NFIB: variants seen among roughly 807,000 people sequenced by gnomAD.
NFIB encodes nuclear factor 1 B-type.
Under a neutral mutation model 61.5 loss-of-function variants are expected in NFIB, and 11 were observed. That is an observed-to-expected ratio of 0.18 (90% CI 0.11 to 0.30). NFIB has a LOEUF of 0.30. NFIB is among the 10% of genes least tolerant of loss of function. The pLI is 1.00. For missense variants in NFIB, 471 were observed against 608.9 expected, an observed-to-expected ratio of 0.77 and a Z score of 2.38; for synonymous variants, 260 against 216.5, an observed-to-expected ratio of 1.20 and a Z score of -1.76.
At chr9:14,475,071 T>C in the NFIB span, among the ~76,000 whole-genome samples, 1 of 152,218 alleles carries the variant, frequency 6.6e-6, no homozygotes, top group African/African-American at 2.4e-5. Context: ...AAGTAATGCC[T>C]TACCAGCTAT....
chr9:14,163,426 G>A (rs1422721823), intron 3 of NFIB, among the ~76,000 whole-genome samples: 2 of 151,674 alleles, frequency 1.3e-5, no homozygotes, highest in Non-Finnish European at 2.9e-5. Context: ...ATAATAAAGA[G>A]AACAAAAAGT....
intron 2 of NFIB, among the ~76,000 whole-genome samples, chr9:14,255,194 A>C (rs1335816366): frequency 6.6e-6 from 1 of 152,168 alleles, no homozygotes; most frequent in Non-Finnish European, 1.5e-5. Flanking sequence ...CTGAACTCCA[A>C]CAAGGATGAC....
At chr9:14,347,940 C>T (rs918913809) in intron 1 of NFIB, among the ~76,000 whole-genome samples, 1 of 152,170 alleles carries the variant, frequency 6.6e-6, no homozygotes, top group Non-Finnish European at 1.5e-5. Flanking sequence ...TCGCGTCGCA[C>T]GCGGTGTCTG....
Position 14,313,622 on chromosome 9 carries a change from G to A in NFIB, c.-111C>T, listed in dbSNP as rs866774324. The A allele has an allele frequency of 5.7e-6, 9 of 1,592,086 alleles. No homozygotes were observed. The Middle Eastern group carries it at 1.3e-3, about 237-fold the overall frequency. On this transcript the variant is annotated 5_prime_UTR_variant, in exon 1 of 11. Transcript: ENST00000380953. This position sits in a 1 kb window ranked among gnomAD's most constrained non-coding sequence, Gnocchi z 4.5. The stretch of plus-strand genomic sequence containing the variant: ...CTGAGCCCCGCGATGCGATCAATCA[G>A]GACGGGGCTCTGCGCTGGATCACCG...
the NFIB span, among the ~76,000 whole-genome samples, chr9:14,512,568 A>G: frequency 2.6e-5 from 4 of 152,354 alleles, no homozygotes; most frequent in Non-Finnish European, 5.9e-5. Context: ...AAGTCTTAAC[A>G]TTAACCCAAT....
the NFIB span, among the ~76,000 whole-genome samples, chr9:14,423,325 C>T: frequency 6.6e-6 from 1 of 152,144 alleles, no homozygotes; most frequent in South Asian, 2.1e-4. Context: ...TTGCTGTTTT[C>T]CTGTGTGCTC....
chr9:14,096,284 G>C (rs536113160), intron 10 of NFIB: 1 of 152,056 alleles, frequency 6.6e-6, no homozygotes, highest in African/African-American at 2.4e-5. Flanking sequence ...TCAGAATCAC[G>C]CTCCTCCCTC....
intron 6 of NFIB, among the ~76,000 whole-genome samples, chr9:14,129,231 G>C (rs1294153289): frequency 1.3e-5 from 2 of 152,166 alleles, no homozygotes; most frequent in Non-Finnish European, 1.5e-5. Flanking sequence ...TTTAGAGACA[G>C]GTGAAGAACG....
chr9:14,097,514 G>C (rs1034642247), intron 10 of NFIB, among the ~76,000 whole-genome samples: 2 of 152,060 alleles, frequency 1.3e-5, no homozygotes, highest in Admixed American at 6.6e-5. Flanking sequence ...GAATTCGCGG[G>C]GATGTTCTAA....
At chr9:14,372,593 A>G (rs2061370359) in intron 1 of NFIB, among the ~76,000 whole-genome samples, 2 of 152,274 alleles carry the variant, frequency 1.3e-5, no homozygotes, top group South Asian at 4.2e-4. Flanking sequence ...AAGAGACACT[A>G]GACAGGAGTT....
chr9:14,393,360 G>T (rs1380797728), intron 1 of NFIB, among the ~76,000 whole-genome samples: 1 of 152,122 alleles, frequency 6.6e-6, no homozygotes, highest in Admixed American at 6.6e-5. Flanking sequence ...ACTTAAACTT[G>T]CATTCCTTCT....
At chr9:14,385,939 C>T (rs1454776739) in intron 1 of NFIB, among the ~76,000 whole-genome samples, 1 of 152,002 alleles carries the variant, frequency 6.6e-6, no homozygotes, top group Non-Finnish European at 1.5e-5. Context: ...TGTTCCACGG[C>T]ACCCAGCTAA....
chr9:14,393,968 G>A (rs574467812), intron 1 of NFIB, among the ~76,000 whole-genome samples: 1 of 152,186 alleles, frequency 6.6e-6, no homozygotes, highest in South Asian at 2.1e-4. Flanking sequence ...GTCATGAGAG[G>A]GAATGCTAAA....
intron 6 of NFIB, among the ~76,000 whole-genome samples, chr9:14,138,776 T>TA (rs1440563596): frequency 6.6e-6 from 1 of 152,194 alleles, no homozygotes; most frequent in Non-Finnish European, 1.5e-5. Flanking sequence ...AAATTGTGCT[T>TA]AAACATTCAT....
At chr9:14,337,782 T>C (rs1352793643) in intron 1 of NFIB, among the ~76,000 whole-genome samples, 1 of 152,178 alleles carries the variant, frequency 6.6e-6, no homozygotes, top group African/African-American at 2.4e-5. Flanking sequence ...CTTTTATACA[T>C]TCAGCTGTTT....
intron 1 of NFIB, among the ~76,000 whole-genome samples, chr9:14,396,509 T>C (rs762711945): frequency 2.4e-4 from 36 of 152,070 alleles, no homozygotes; most frequent in Non-Finnish European, 4.9e-4. Flanking sequence ...TTTTGGTGTA[T>C]TATAGGCTAT....
At chr9:14,527,554 G>A in the NFIB span, among the ~76,000 whole-genome samples, 4 of 152,116 alleles carry the variant, frequency 2.6e-5, no homozygotes, top group South Asian at 2.1e-4. Context: ...ATATGATGTC[G>A]ATCACCCCCC....
intron 2 of NFIB, among the ~76,000 whole-genome samples, chr9:14,270,040 T>A (rs1346425516): frequency 6.6e-6 from 1 of 152,204 alleles, no homozygotes; most frequent in Non-Finnish European, 1.5e-5. Flanking sequence ...TTATTCATTT[T>A]AACCTATTAA....
At chr9:14,093,732 C>G (rs1254132850) in intron 10 of NFIB, among the ~76,000 whole-genome samples, 4 of 151,992 alleles carry the variant, frequency 2.6e-5, no homozygotes, top group Non-Finnish European at 5.9e-5. Context: ...TGCTGAAAAC[C>G]TGTTGGGAAA....
Sources: gnomAD v4.1 joint callset for allele counts (sites outside exome capture counted in the v4.1 genomes callset) on GRCh38, gnomAD v4.1.1 for gene constraint, Gnocchi (gnomAD v3.1) non-coding constraint, MANE v1.5 for transcripts, NCBI Gene and HGNC (gene_info 2026-07-23, HGNC 2026-07-21) for gene names.